Variants in CDH12 observed in about 807,000 individuals in gnomAD.
CDH12 encodes cadherin-12.
In CDH12, 41 loss-of-function variants were observed where a neutral mutation model predicts 74.1. The ratio of observed to expected loss-of-function variants is 0.55; its 90% CI spans 0.43 to 0.72. CDH12 has a LOEUF of 0.72. Among genes scored for constraint, CDH12 ranks in the 30% least tolerant of loss-of-function variants. The probability of loss-of-function intolerance (pLI) is 0.00; values close to 1 mark genes in which losing one functional copy is unlikely to be tolerated. For missense variants in CDH12, 945 were observed against 977.2 expected (o/e 0.97, Z 0.44); for synonymous variants, 399 against 355.0 (o/e 1.12, Z -1.39).
intron 5 of CDH12, among the ~76,000 whole-genome samples, chr5:22,025,717 A>G (rs1354871650): frequency 1.3e-5 from 2 of 152,178 alleles, no homozygotes; most frequent in African/African-American, 4.8e-5. Context: ...AATTGGAGTC[A>G]ATCCTCTCAA....
At chr5:21,881,677 T>C (rs1474188175) in intron 6 of CDH12, among the ~76,000 whole-genome samples, 3 of 152,214 alleles carry the variant, frequency 2.0e-5, no homozygotes, top group Non-Finnish European at 4.4e-5. Flanking sequence ...TCTATTTGGT[T>C]AAACTTCGTA....
intron 3 of CDH12, among the ~76,000 whole-genome samples, chr5:22,247,483 T>C (rs1414552536): frequency 1.3e-5 from 2 of 152,082 alleles, no homozygotes; most frequent in East Asian, 3.9e-4. Context: ...GAGACCAGCC[T>C]AGGCAATATG....
intron 6 of CDH12, among the ~76,000 whole-genome samples, chr5:21,946,882 T>C (rs1227548362): frequency 1.3e-5 from 2 of 152,178 alleles, no homozygotes; most frequent in Admixed American, 1.3e-4. Context: ...CCAAATCTCA[T>C]CTTGAATTGT....
At chr5:22,425,973 G>A (rs1394437273) in intron 2 of CDH12, among the ~76,000 whole-genome samples, 1 of 151,848 alleles carries the variant, frequency 6.6e-6, no homozygotes, top group East Asian at 1.9e-4. Context: ...CGGATCACAA[G>A]GTCAAGGAAT....
intron 3 of CDH12, among the ~76,000 whole-genome samples, chr5:22,291,438 G>T (rs139451178): frequency 5.0e-4 from 76 of 152,226 alleles, no homozygotes; most frequent in Admixed American, 1.5e-3. Flanking sequence ...GTTTGTTGAT[G>T]ACATAATTTT....
intron 4 of CDH12, among the ~76,000 whole-genome samples, chr5:22,198,323 G>C (rs1750734597): frequency 6.6e-6 from 1 of 151,200 alleles, no homozygotes; most frequent in Non-Finnish European, 1.5e-5. Flanking sequence ...AACTAATAAT[G>C]TTAAAAAAAT....
chr5:22,848,679 G>A (rs1737415523), intron 1 of CDH12, among the ~76,000 whole-genome samples: 1 of 152,092 alleles, frequency 6.6e-6, no homozygotes, highest in Non-Finnish European at 1.5e-5. Flanking sequence ...GTTTGAAAAT[G>A]TCTCTACTTT....
At chr5:22,668,220 G>C (rs963550491) in intron 1 of CDH12, among the ~76,000 whole-genome samples, 6 of 152,056 alleles carry the variant, frequency 3.9e-5, no homozygotes, top group Admixed American at 6.6e-5. Context: ...TATAATTAAA[G>C]TTTTATAAAA....
intron 5 of CDH12, among the ~76,000 whole-genome samples, chr5:22,008,234 T>A (rs1353291903): frequency 7.6e-6 from 1 of 132,416 alleles, no homozygotes; most frequent in East Asian, 2.0e-4. Flanking sequence ...AACTATACAA[T>A]TTTTTTTTTT....
At chr5:22,503,651 CT>C (rs1314848367) in intron 2 of CDH12, among the ~76,000 whole-genome samples, 2 of 152,012 alleles carry the variant, frequency 1.3e-5, no homozygotes, top group Admixed American at 1.3e-4. Context: ...TAAATTAATC[CT>C]TTCTCAAATT....
intron 1 of CDH12, among the ~76,000 whole-genome samples, chr5:22,735,811 C>T (rs1346871777): frequency 6.6e-6 from 1 of 151,810 alleles, no homozygotes; most frequent in Non-Finnish European, 1.5e-5. Context: ...AGTGTTTACT[C>T]ATGTGTCATC....
At chr5:22,345,208 T>G (rs1424442155) in intron 3 of CDH12, among the ~76,000 whole-genome samples, 2 of 152,202 alleles carry the variant, frequency 1.3e-5, no homozygotes, top group Non-Finnish European at 2.9e-5. Context: ...TTTATTTTCT[T>G]TTGGCTTCCA....
At chr5:22,261,572 C>A (rs1205401994) in intron 3 of CDH12, among the ~76,000 whole-genome samples, 7 of 152,034 alleles carry the variant, frequency 4.6e-5, no homozygotes. Flanking sequence ...TATAAGGTCA[C>A]AGTCTGAAGT....
chr5:22,669,683 G>A (rs1740806245), intron 1 of CDH12, among the ~76,000 whole-genome samples: 1 of 152,120 alleles, frequency 6.6e-6, no homozygotes, highest in Admixed American at 6.6e-5. Flanking sequence ...TTCATACCGT[G>A]GAACTAACTT....
At chr5:22,741,384 A>G (rs1050459353) in intron 1 of CDH12, among the ~76,000 whole-genome samples, 26 of 152,268 alleles carry the variant, frequency 1.7e-4, no homozygotes, top group African/African-American at 5.8e-4. Flanking sequence ...GCTATTTCCC[A>G]TATTTGCTAT....
intron 1 of CDH12, among the ~76,000 whole-genome samples, chr5:22,846,334 T>A (rs1394118409): frequency 2.0e-5 from 3 of 152,086 alleles, no homozygotes. Flanking sequence ...AGTAAAGGCA[T>A]AGATTTGGAA....
rs76615870 is a variant in CDH12 at position 21,828,539 on chromosome 5, G to T, written c.815-11407C>A. ...TCTAAAAAAGATGAAATTTGGTAAT[G>T]GTCTCTTCCCATGTATATTTTGCTT... On this transcript the variant is annotated intron_variant, in intron 8 of 14. Transcript: ENST00000382254. 2.3e-3 allele frequency among the ~76,000 whole-genome samples: 356 copies of T among 152,144 alleles called. 2 individuals are homozygous for T. Among genetic ancestry groups the T allele is most frequent in the African/African-American group, 8.5e-3 (351 of 41,534 alleles).
chr5:21,881,152 T>C (rs969396087), intron 6 of CDH12, among the ~76,000 whole-genome samples: 29 of 152,180 alleles, frequency 1.9e-4, no homozygotes, highest in African/African-American at 7.0e-4. Flanking sequence ...AAAAAACTGC[T>C]GAAATGTAGT....
chr5:22,425,140 T>C (rs1422378460), intron 2 of CDH12, among the ~76,000 whole-genome samples: 2 of 95,558 alleles, frequency 2.1e-5, no homozygotes, highest in East Asian at 3.1e-4. Flanking sequence ...TAAAATTATA[T>C]ATATGTGTGT....
Sources: gnomAD v4.1 joint callset for allele counts (sites outside exome capture counted in the v4.1 genomes callset) on GRCh38, gnomAD v4.1.1 for gene constraint, MANE v1.5 for transcripts, NCBI Gene and HGNC (gene_info 2026-07-23, HGNC 2026-07-21) for gene names.